The following NAA60 variants were observed in gnomAD, a reference collection of about 807,000 sequenced individuals.
The protein encoded by NAA60 is N-alpha-acetyltransferase 60.
In NAA60, 8 loss-of-function variants were observed where a neutral mutation model predicts 26.1. The ratio of observed to expected loss-of-function variants is 0.31; its 90% confidence interval spans 0.18 to 0.55. NAA60 has a LOEUF of 0.55. Ranked by LOEUF, NAA60 falls within the 20% of genes least tolerant of loss-of-function variation. The probability of loss-of-function intolerance (pLI) is 0.93; values close to 1 mark genes in which losing one functional copy is unlikely to be tolerated. For missense variants in NAA60, 290 were observed against 311.3 expected, an observed-to-expected ratio of 0.93 and a Z score of 0.51; for synonymous variants, 131 against 122.5, an observed-to-expected ratio of 1.07 and a Z score of -0.46.
At chr16:3,444,622 G>C (rs913245383) in intron 1 of NAA60, among the ~76,000 whole-genome samples, 1 of 152,136 alleles carries the variant, frequency 6.6e-6, no homozygotes, top group South Asian at 2.1e-4. Context: ...TGATTTTGTG[G>C]AATATCTGAT....
At chr16:3,470,148 G>T (rs11077342) in intron 2 of NAA60, among the ~76,000 whole-genome samples, 9,361 of 152,300 alleles carry the variant, frequency 0.061, 382 homozygotes, top group Admixed American at 0.084. Context: ...TACTCCAGGG[G>T]TGACTGACAC....
rs1029759354 is a variant in NAA60 at position 3,485,611 on chromosome 16, G to T, written c.*351G>T. The T allele has an allele frequency of 8.8e-6, 4 of 456,268 alleles. No individual in the cohort carries two copies. Among genetic ancestry groups the T allele is most frequent in the African/African-American group, 2.0e-5 (1 of 50,078 alleles). 28.3% of individuals were successfully genotyped at this position (456,268 alleles called of 1,614,324 possible). On this transcript the variant is annotated 3_prime_UTR_variant, in exon 8 of 8. Transcript: ENST00000407558. ...GCCCTCACTGGGCCTCTCCCACTCC[G>T]CTGCCTGTTCTTGCAGCTCCTTCCT...
At chr16:3,479,775 G>A (rs1266265421) in intron 4 of NAA60, among the ~76,000 whole-genome samples, 175 bp downstream of exon 4, 2 of 152,100 alleles carry the variant, frequency 1.3e-5, no homozygotes, top group East Asian at 3.9e-4. Flanking sequence ...GTGTGTGTGT[G>A]TGTGTGATTT....
chr16:3,453,995 G>C (rs1030114001), intron 2 of NAA60, among the ~76,000 whole-genome samples: 2 of 152,154 alleles, frequency 1.3e-5, no homozygotes, highest in Non-Finnish European at 2.9e-5. Flanking sequence ...TTGGATACTG[G>C]ACTTAGTTCC....
intron 2 of NAA60, among the ~76,000 whole-genome samples, chr16:3,451,260 A>C (rs1035877753): frequency 6.6e-6 from 1 of 152,210 alleles, no homozygotes; most frequent in Admixed American, 6.5e-5. Context: ...TTTATTTATG[A>C]AAATATAGTA....
chr16:3,448,641 T>G, intron 2 of NAA60, 101 bp downstream of exon 2: 5 of 970,906 alleles, frequency 5.1e-6, no homozygotes, highest in Middle Eastern at 2.2e-4. Context: ...GTATTAAATA[T>G]TCTCTTAATT....
chr16:3,453,368 T>G (rs537205526), intron 2 of NAA60, among the ~76,000 whole-genome samples: 1 of 152,236 alleles, frequency 6.6e-6, no homozygotes, highest in East Asian at 1.9e-4. Flanking sequence ...CACTCCAGCC[T>G]GGGCAACAGA....
Position 3,484,821 on chromosome 16 carries a change from C to G in NAA60, c.695C>G (p.Ser232Cys), listed in dbSNP as rs759333943. The change falls in exon 7 of 8, where the codon TCC becomes TGC. Residue 232 changes from serine to cysteine, a missense_variant. Coordinates refer to ENST00000407558, the MANE Select transcript of NAA60 (RefSeq NM_001083601.3). ...TTCCTGCCATGGTCGGGCATCTCTT[C>G]CAAGAGTGGCATCGAGTACAGCCGG... ...CSFLPWSGISSKSGIEYSRTM is the reference protein window; with the variant it reads ...CSFLPWSGISCKSGIEYSRTM 9.5e-6 allele frequency: 15 copies of G among 1,571,162 alleles called. No individual in the cohort carries two copies. Among genetic ancestry groups the G allele is most frequent in the Non-Finnish European group, 1.1e-5 (13 of 1,159,196 alleles).
At chr16:3,469,917 C>T (rs2036017062) in intron 2 of NAA60, among the ~76,000 whole-genome samples, 2 of 152,356 alleles carry the variant, frequency 1.3e-5, no homozygotes, top group South Asian at 2.1e-4. Flanking sequence ...GCCTCAGCTC[C>T]ATACCTGCCG....
intron 2 of NAA60, among the ~76,000 whole-genome samples, chr16:3,463,695 T>A (rs2035560354): frequency 6.8e-6 from 1 of 146,742 alleles, no homozygotes; most frequent in East Asian, 2.1e-4. Flanking sequence ...GGAGACCCAG[T>A]CTCTACTTAA....
rs2036479968 is a variant in NAA60 at position 3,476,321 on chromosome 16, G to T, written c.94G>T (p.Asp32Tyr). The change falls in exon 3 of 8, where the codon GAC becomes TAC. Residue 32 changes from aspartate to tyrosine, a missense_variant. Transcript: ENST00000407558. ...DIDTVKHLCGDWFPIEYPDSW... is the reference protein window; with the variant it reads ...DIDTVKHLCGYWFPIEYPDSW... ...AGACACTGTGAAGCACCTGTGTGGC[G>T]ACTGGTTCCCCATCGAGTAAGTGGA... The T allele has an allele frequency of 6.2e-7, 1 of 1,613,732 alleles. No homozygotes were observed. The highest frequency in any genetic ancestry group is 8.5e-7 in the Non-Finnish European group (1 of 1,179,704).
intron 1 of NAA60, among the ~76,000 whole-genome samples, chr16:3,448,175 G>A (rs2034629050): frequency 6.7e-6 from 1 of 150,152 alleles, no homozygotes; most frequent in South Asian, 2.1e-4. Flanking sequence ...TTTAGAGGCT[G>A]AAGCAAGAGA....
In NAA60 at chr16:3,476,305, G is replaced by A. The variant is rs1348081010; in HGVS notation, c.78G>A (p.Val26=). Residue 26 remains valine (V), a synonymous_variant, in exon 3 of 8, where the codon GTG becomes GTA. Coordinates refer to ENST00000407558, the MANE Select transcript of NAA60 (RefSeq NM_001083601.3). ...RLLCHDDIDT[V]KHLCGDWFPI... is the part of the protein sequence containing the mutation. Reference sequence around the variant, plus strand: ...TCTGCCACGATGACATAGACACTGTGAAGCACCTGTGTGGCGACTGGTTCC... The same window carrying A: ...TCTGCCACGATGACATAGACACTGTAAAGCACCTGTGTGGCGACTGGTTCC... The A allele has an allele frequency of 6.2e-7, 1 of 1,613,850 alleles. No individual in the cohort carries two copies. Among genetic ancestry groups the A allele is most frequent in the Non-Finnish European group, 8.5e-7 (1 of 1,179,856 alleles).
chr16:3,468,709 A>T (rs898318640), intron 2 of NAA60, among the ~76,000 whole-genome samples: 10 of 152,198 alleles, frequency 6.6e-5, no homozygotes, highest in Admixed American at 5.9e-4. Context: ...TGCGATGCAG[A>T]CCCAGGAGGC....
chr16:3,458,278 A>G, intron 2 of NAA60: 1 of 797,422 alleles, frequency 1.3e-6, no homozygotes, highest in East Asian at 1.3e-4. Flanking sequence ...CAGGGGGGCC[A>G]GCGCCCACCG....
intron 2 of NAA60, among the ~76,000 whole-genome samples, chr16:3,468,814 G>C (rs920026823): frequency 2.0e-5 from 3 of 152,224 alleles, no homozygotes; most frequent in African/African-American, 7.2e-5. Flanking sequence ...GGTAGCTCAT[G>C]CCTGTAATCC....
chr16:3,458,990 C>T (rs1318336670), intron 2 of NAA60, among the ~76,000 whole-genome samples: 1 of 152,192 alleles, frequency 6.6e-6, no homozygotes, highest in African/African-American at 2.4e-5. Context: ...GCAAGGGGTA[C>T]TCTGCAGTAA....
intron 2 of NAA60, among the ~76,000 whole-genome samples, chr16:3,474,902 AAGG>A (rs1443916851): frequency 1.1e-4 from 17 of 152,320 alleles, no homozygotes; most frequent in African/African-American, 3.6e-4. Context: ...CCTCCTAAAA[AAGG>A]AGGATGAATG....
intron 1 of NAA60, among the ~76,000 whole-genome samples, chr16:3,447,032 G>T (rs1173217477): frequency 6.6e-6 from 1 of 152,004 alleles, no homozygotes; most frequent in South Asian, 2.1e-4. Context: ...AGTAGAGGAC[G>T]GGTTTTCCCC....
Sources: allele counts gnomAD v4.1 joint callset (sites outside exome capture counted in the v4.1 genomes callset), GRCh38; gene constraint gnomAD v4.1.1; transcripts MANE v1.5; gene names NCBI Gene and HGNC (gene_info 2026-07-23, HGNC 2026-07-21).